Variants in METTL15 observed in about 807,000 individuals in gnomAD.
The protein encoded by METTL15 is methyltransferase 15, mitochondrial 12S rRNA N4-cytidine, also known as 12S rRNA N(4)-cytidine methyltransferase METTL15.
Under a neutral mutation model 38.3 loss-of-function variants are expected in METTL15, and 34 were observed. The ratio of observed to expected loss-of-function variants is 0.89; its 90% CI spans 0.68 to 1.18. The LOEUF (loss-of-function observed/expected upper bound fraction) is 1.18, where lower values mean the gene tolerates loss of function less well. Ranked by LOEUF, METTL15 falls within the 50% of genes most tolerant of loss-of-function variation. The pLI is 0.00. For synonymous variants in METTL15, 162 were observed against 170.9 expected (o/e 0.95, Z 0.41); for missense variants, 438 against 498.4 (o/e 0.88, Z 1.15).
chr11:28,295,677 A>C (rs1015327312), intron 5 of METTL15, among the ~76,000 whole-genome samples: 1 of 152,084 alleles, frequency 6.6e-6, no homozygotes, highest in African/African-American at 2.4e-5. Flanking sequence ...GAGAGATGAA[A>C]GTCATGACAA....
At chr11:28,423,776 T>C (rs1421323308) in intron 5 of METTL15, among the ~76,000 whole-genome samples, 1 of 151,876 alleles carries the variant, frequency 6.6e-6, no homozygotes, top group Non-Finnish European at 1.5e-5. Flanking sequence ...AAAGAATGAG[T>C]AAGACCTAGT....
At chr11:28,147,452 A>G (rs1412208050) in intron 3 of METTL15, among the ~76,000 whole-genome samples, 2 of 151,862 alleles carry the variant, frequency 1.3e-5, no homozygotes, top group Non-Finnish European at 2.9e-5. Context: ...GACACATTTT[A>G]TAATTGATGA....
At chr11:28,497,429 T>C (rs1238114371) in intron 6 of METTL15, among the ~76,000 whole-genome samples, 1 of 152,230 alleles carries the variant, frequency 6.6e-6, no homozygotes, top group Non-Finnish European at 1.5e-5. Flanking sequence ...TTGAATACTC[T>C]TCTATATGTT....
At chr11:28,172,175 T>C (rs956943743) in intron 3 of METTL15, among the ~76,000 whole-genome samples, 2 of 152,188 alleles carry the variant, frequency 1.3e-5, no homozygotes, top group Non-Finnish European at 2.9e-5. Flanking sequence ...GATTTTTTTT[T>C]CTTTCAAAAC....
chr11:28,199,632 A>G (rs987484415), intron 3 of METTL15, among the ~76,000 whole-genome samples: 4 of 151,982 alleles, frequency 2.6e-5, no homozygotes, highest in African/African-American at 7.3e-5. Flanking sequence ...TTCTGTGCCT[A>G]TCTCTAATTG....
At chr11:28,369,718 G>C (rs1474239813) in intron 5 of METTL15, among the ~76,000 whole-genome samples, 1 of 152,060 alleles carries the variant, frequency 6.6e-6, no homozygotes. Flanking sequence ...GAGAAATAAA[G>C]ACTTTCCAAG....
At chr11:28,457,981 G>T (rs570899093) in intron 6 of METTL15, among the ~76,000 whole-genome samples, 36 of 152,256 alleles carry the variant, frequency 2.4e-4, no homozygotes, top group Admixed American at 1.7e-3. Flanking sequence ...ATGTTGTAAA[G>T]CTCCCCCTCA....
intron 6 of METTL15, among the ~76,000 whole-genome samples, chr11:28,446,637 A>G (rs544516553): frequency 1.3e-5 from 2 of 152,266 alleles, no homozygotes; most frequent in East Asian, 1.9e-4. Flanking sequence ...CATCATAGCA[A>G]TAACTCATTT....
At chr11:28,377,468 G>A (rs1850330184) in intron 5 of METTL15, among the ~76,000 whole-genome samples, 1 of 152,120 alleles carries the variant, frequency 6.6e-6, no homozygotes, top group East Asian at 1.9e-4. Flanking sequence ...TGAGGCTTCT[G>A]TGTTGTTCAC....
chr11:28,221,033 T>G (rs185170666), intron 4 of METTL15, among the ~76,000 whole-genome samples: 2 of 152,300 alleles, frequency 1.3e-5, no homozygotes, highest in African/African-American at 2.4e-5. Flanking sequence ...CTGACAGTTA[T>G]GTGTCTTGGA....
At chr11:28,178,838 A>G (rs756224586) in intron 3 of METTL15, among the ~76,000 whole-genome samples, 3 of 151,830 alleles carry the variant, frequency 2.0e-5, no homozygotes, top group Non-Finnish European at 4.4e-5. Context: ...TAGGTTTCGT[A>G]TATGTGTATG....
intron 5 of METTL15, among the ~76,000 whole-genome samples, chr11:28,381,161 A>G (rs997144381): frequency 1.3e-5 from 2 of 151,854 alleles, no homozygotes; most frequent in South Asian, 4.2e-4. Context: ...TGCTTGGCTA[A>G]TTTTTATTTT....
intron 6 of METTL15, among the ~76,000 whole-genome samples, chr11:28,450,527 T>G (rs1851111608): frequency 6.6e-6 from 1 of 152,218 alleles, no homozygotes; most frequent in African/African-American, 2.4e-5. Context: ...AAAAGCTTAT[T>G]GAATGTTGAT....
chr11:28,248,946 T>A (rs1350129759), intron 4 of METTL15, among the ~76,000 whole-genome samples: 1 of 152,032 alleles, frequency 6.6e-6, no homozygotes, highest in Admixed American at 6.6e-5. Flanking sequence ...CTGCTCTGTC[T>A]TCACCCTTTC....
At chr11:28,352,993 A>C (rs1850055359) in intron 4 of METTL15, among the ~76,000 whole-genome samples, 1 of 152,246 alleles carries the variant, frequency 6.6e-6, no homozygotes, top group Non-Finnish European at 1.5e-5. Context: ...TTTGTCAGGC[A>C]TCAGTAGGGA....
rs575217055 is a variant in METTL15 at position 28,207,585 on chromosome 11, C to G, written c.271-3477C>G. ...CTAAAATTCTCTTTTTTTGTTGTGTCTCTGCCCGGCTTTGGTGTCAGGATG... is the reference window on the plus strand; with the variant it reads ...CTAAAATTCTCTTTTTTTGTTGTGTGTCTGCCCGGCTTTGGTGTCAGGATG... On this transcript the variant is annotated intron_variant, in intron 3 of 6. Transcript: ENST00000407364. 5.9e-5 allele frequency among the ~76,000 whole-genome samples: 9 copies of G among 152,114 alleles called. No individual in the cohort carries two copies. The East Asian group carries it at 1.5e-3, about 26-fold the overall frequency.
At chr11:28,460,804 A>G (rs540509507) in intron 6 of METTL15, among the ~76,000 whole-genome samples, 1 of 152,200 alleles carries the variant, frequency 6.6e-6, no homozygotes, top group East Asian at 1.9e-4. Context: ...GACAAAGAGG[A>G]TTAGGTTTCC....
At chr11:28,116,322 A>C (rs1851956503) in intron 3 of METTL15, among the ~76,000 whole-genome samples, 1 of 152,200 alleles carries the variant, frequency 6.6e-6, no homozygotes, top group African/African-American at 2.4e-5. Flanking sequence ...GATTGTCTTC[A>C]ATTTTTAAAG....
intron 6 of METTL15, among the ~76,000 whole-genome samples, chr11:28,486,546 A>G (rs1453946431): frequency 6.6e-6 from 1 of 152,120 alleles, no homozygotes; most frequent in East Asian, 1.9e-4. Context: ...GTTTCTGTTT[A>G]GCCTGATGCT....
Sources: gnomAD v4.1 joint callset for allele counts (sites outside exome capture counted in the v4.1 genomes callset) on GRCh38, gnomAD v4.1.1 for gene constraint, MANE v1.5 for transcripts, NCBI Gene and HGNC (gene_info 2026-07-23, HGNC 2026-07-21) for gene names.